NR1H4: variants seen among roughly 807,000 people sequenced by gnomAD.
NR1H4 encodes the protein bile acid receptor.
In NR1H4, 23 loss-of-function variants were observed where a neutral mutation model predicts 58.5. The observed-to-expected ratio is 0.39, with a 90% CI of 0.28 to 0.56. The LOEUF (loss-of-function observed/expected upper bound fraction) is 0.56. NR1H4 is among the 20% of genes least tolerant of loss of function. NR1H4 has a pLI of 0.58. For missense variants in NR1H4, 487 were observed against 576.9 expected (o/e 0.84, Z 1.60); for synonymous variants, 214 against 198.0 (o/e 1.08, Z -0.68).
chr12:100,543,765 C>T (rs1174838166), intron 9 of NR1H4, among the ~76,000 whole-genome samples: 1 of 152,074 alleles, frequency 6.6e-6, no homozygotes, highest in Non-Finnish European at 1.5e-5. Flanking sequence ...ATTGACAGTT[C>T]AACTTAGGAA....
At chr12:100,542,484 A>G (rs1241123107) in intron 9 of NR1H4, among the ~76,000 whole-genome samples, 2 of 152,214 alleles carry the variant, frequency 1.3e-5, no homozygotes, top group East Asian at 3.8e-4. Flanking sequence ...ATTGAGATGA[A>G]TTACCAGGAA....
intron 9 of NR1H4, among the ~76,000 whole-genome samples, chr12:100,550,964 T>C (rs1955190696): frequency 6.6e-6 from 1 of 152,156 alleles, no homozygotes; most frequent in African/African-American, 2.4e-5. Context: ...GATGTAGAAA[T>C]GGGCTTAGAG....
intron 9 of NR1H4, among the ~76,000 whole-genome samples, chr12:100,544,253 CAAA>C (rs943465011): frequency 1.2e-4 from 8 of 64,400 alleles, no homozygotes; most frequent in Middle Eastern, 8.9e-3. Flanking sequence ...CTCGGTCTCA[CAAA>C]AAAAAAAAAA....
chr12:100,497,219 AC>A (rs1018555776), intron 3 of NR1H4, among the ~76,000 whole-genome samples: 4 of 152,032 alleles, frequency 2.6e-5, no homozygotes, highest in African/African-American at 9.7e-5. Flanking sequence ...GTTGAGCGTC[AC>A]CCCAGGGGGC....
At chr12:100,558,924 CCT>C (rs1258190331) in intron 9 of NR1H4, among the ~76,000 whole-genome samples, 1 of 152,136 alleles carries the variant, frequency 6.6e-6, no homozygotes, top group Non-Finnish European at 1.5e-5. Flanking sequence ...AGTTATATAA[CCT>C]CTCTGTATCT....
At chr12:100,540,649 A>T (rs752748805) in intron 8 of NR1H4, 23 bp from the exon 9 acceptor site, 1 of 1,612,800 alleles carries the variant, frequency 6.2e-7, no homozygotes, top group South Asian at 1.1e-5. Context: ...CTTGATACCA[A>T]TTTGATTATC....
intron 9 of NR1H4, among the ~76,000 whole-genome samples, chr12:100,559,840 G>A (rs1435677057): frequency 6.6e-6 from 1 of 152,262 alleles, no homozygotes; most frequent in East Asian, 1.9e-4. Flanking sequence ...AGCCAGCTGG[G>A]CTCCTGAGTC....
At chr12:100,486,970 G>T (rs936752389) in intron 1 of NR1H4, among the ~76,000 whole-genome samples, 1 of 152,110 alleles carries the variant, frequency 6.6e-6, no homozygotes, top group East Asian at 1.9e-4. Flanking sequence ...TACATTCAAC[G>T]TATGAAGAAC....
At chr12:100,499,173 A>G (rs971551803) in intron 3 of NR1H4, among the ~76,000 whole-genome samples, 1 of 152,196 alleles carries the variant, frequency 6.6e-6, no homozygotes, top group African/African-American at 2.4e-5. Flanking sequence ...TTTAAAATGC[A>G]ATTAAAGGTT....
intron 4 of NR1H4, among the ~76,000 whole-genome samples, chr12:100,511,738 A>C (rs1954122327): frequency 6.6e-6 from 1 of 151,908 alleles, no homozygotes; most frequent in Non-Finnish European, 1.5e-5. Flanking sequence ...CCTGGCCAAC[A>C]CGGTGAAATC....
At chr12:100,497,321 C>T (rs1057316802) in intron 3 of NR1H4, among the ~76,000 whole-genome samples, 5 of 152,120 alleles carry the variant, frequency 3.3e-5, no homozygotes, top group Admixed American at 1.3e-4. Context: ...AGCATAGGAA[C>T]GTGCGGCATG....
At chr12:100,479,166 C>G (rs931080053) in intron 1 of NR1H4, among the ~76,000 whole-genome samples, 2 of 151,854 alleles carry the variant, frequency 1.3e-5, no homozygotes, top group African/African-American at 4.8e-5. Flanking sequence ...ATATTTTTAT[C>G]CATTTTTATA....
intron 8 of NR1H4, among the ~76,000 whole-genome samples, chr12:100,538,959 G>C (rs1266055477): frequency 1.3e-5 from 2 of 152,210 alleles, no homozygotes; most frequent in African/African-American, 2.4e-5. Context: ...AGTAAAAACT[G>C]TGGAGGAAAG....
chr12:100,477,374 A>G (rs1255683742), intron 1 of NR1H4, among the ~76,000 whole-genome samples: 2 of 152,004 alleles, frequency 1.3e-5, no homozygotes, highest in African/African-American at 4.8e-5. Flanking sequence ...AATTTTTATT[A>G]ATTTTCATTT....
At chr12:100,502,095 T>G (rs969991481) in intron 3 of NR1H4, among the ~76,000 whole-genome samples, 1 of 152,224 alleles carries the variant, frequency 6.6e-6, no homozygotes, top group Non-Finnish European at 1.5e-5. Context: ...CCACCTGTTG[T>G]GCTAAGCATT....
chr12:100,486,846 TAAG>T (rs1246291434), intron 1 of NR1H4, among the ~76,000 whole-genome samples: 1 of 150,198 alleles, frequency 6.7e-6, no homozygotes, highest in African/African-American at 2.4e-5. Flanking sequence ...AAACTAAAAA[TAAG>T]AAGCAATAAA....
chr12:100,481,846 G>A lies in NR1H4; in HGVS notation c.-190+7787G>A, dbSNP rs1466468616. Among the ~76,000 whole-genome samples the A allele has an allele frequency of 4.6e-5, 7 of 152,078 alleles. No homozygotes were observed. In the South Asian group the frequency reaches 6.2e-4, roughly 14 times the overall value. On this transcript the variant is annotated intron_variant, in intron 1 of 10. Transcript: ENST00000392986. ...GGAGAATGGTGTGAACCCAGGAGGCGGAGCTTGCAGTGAGCCGAGATGGCA... is the reference window on the plus strand; with the variant it reads ...GGAGAATGGTGTGAACCCAGGAGGCAGAGCTTGCAGTGAGCCGAGATGGCA...
rs1955529618 is a variant in NR1H4 at position 100,564,058 on chromosome 12, T to G, written c.*569T>G. The G allele has an allele frequency of 6.5e-6, 1 of 152,782 alleles. No homozygotes were observed. Among genetic ancestry groups the G allele is most frequent in the South Asian group, 2.1e-4 (1 of 4,864 alleles). 9.5% of individuals were successfully genotyped at this position (152,782 alleles called of 1,614,324 possible). A position where few individuals can be genotyped will look rare whatever the true frequency, so the allele number is the denominator to read the frequency against. On this transcript the variant is annotated 3_prime_UTR_variant, in exon 11 of 11. Transcript: ENST00000392986. The stretch of plus-strand genomic sequence containing the variant: ...CTGATCATTTCCTTTTCTTTGAAGT[T>G]CAAAGAGAATAGCAAACAGAAAAGT...
chr12:100,480,582 C>T (rs1953357736), intron 1 of NR1H4, among the ~76,000 whole-genome samples: 1 of 152,200 alleles, frequency 6.6e-6, no homozygotes, highest in Admixed American at 6.5e-5. Flanking sequence ...ACTAACCAGT[C>T]TCCTCACTGC....
Sources: gnomAD v4.1 joint callset for allele counts (sites outside exome capture counted in the v4.1 genomes callset) on GRCh38, gnomAD v4.1.1 for gene constraint, MANE v1.5 for transcripts, NCBI Gene and HGNC (gene_info 2026-07-23, HGNC 2026-07-21) for gene names.